NTM: variants seen among roughly 807,000 people sequenced by gnomAD.
NTM encodes the protein IgLON family member 2.
In NTM, 13 loss-of-function variants were observed where a neutral mutation model predicts 42.1. The observed-to-expected ratio is 0.31, with a 90% CI of 0.20 to 0.49. The LOEUF (loss-of-function observed/expected upper bound fraction) is 0.49. Among genes scored for constraint, NTM ranks in the 20% least tolerant of loss-of-function variants. The probability of loss-of-function intolerance (pLI) is 0.99; values close to 1 mark genes in which losing one functional copy is unlikely to be tolerated. For missense variants in NTM, 373 were observed against 452.8 expected (o/e 0.82, Z 1.60); for synonymous variants, 187 against 179.2 (o/e 1.04, Z -0.35).
At chr11:131,476,011 GGAAGGAAGGAAGGAGT>G (rs1476627645) in intron 1 of NTM, among the ~76,000 whole-genome samples, 1 of 152,042 alleles carries the variant, frequency 6.6e-6, no homozygotes, top group Non-Finnish European at 1.5e-5. Context: ...AAATATTTGT[GGAAGGAAGGAAGGAGT>G]GAAGGAAGGA....
chr11:132,217,427 T>TTC (rs1337630118), intron 4 of NTM, among the ~76,000 whole-genome samples: 2 of 149,418 alleles, frequency 1.3e-5, no homozygotes, highest in African/African-American at 4.9e-5. Flanking sequence ...GTGTGTGTGT[T>TTC]TCTCAGGTTC....
intron 2 of NTM, among the ~76,000 whole-genome samples, chr11:132,118,851 A>T (rs1001483084): frequency 6.6e-6 from 1 of 152,106 alleles, no homozygotes; most frequent in African/African-American, 2.4e-5. Context: ...CTGTTCTTAA[A>T]TTGGATTCCC....
intron 1 of NTM, among the ~76,000 whole-genome samples, chr11:131,699,596 A>G (rs2075846023): frequency 6.6e-6 from 1 of 152,164 alleles, no homozygotes; most frequent in African/African-American, 2.4e-5. Flanking sequence ...GTAACTTATA[A>G]AGGAAAGAGG....
chr11:131,825,467 T>G (rs1241864562), intron 1 of NTM, among the ~76,000 whole-genome samples: 1 of 152,154 alleles, frequency 6.6e-6, no homozygotes, highest in Non-Finnish European at 1.5e-5. Context: ...TGTCTTTGGC[T>G]TCTTCGAGGA....
At chr11:131,529,693 A>T (rs1039202743) in intron 1 of NTM, among the ~76,000 whole-genome samples, 5 of 152,172 alleles carry the variant, frequency 3.3e-5, no homozygotes, top group Non-Finnish European at 2.9e-5. Context: ...CTAGGAAGTG[A>T]TTAAGAGAAA....
At chr11:131,958,277 T>C (rs1035825457) in intron 2 of NTM, among the ~76,000 whole-genome samples, 2 of 152,058 alleles carry the variant, frequency 1.3e-5, no homozygotes, top group Non-Finnish European at 2.9e-5. Context: ...AGGGGAGTGA[T>C]GGGGCAGGGG....
intron 2 of NTM, among the ~76,000 whole-genome samples, chr11:131,941,803 G>A (rs1299892663): frequency 6.6e-6 from 1 of 152,124 alleles, no homozygotes; most frequent in East Asian, 1.9e-4. Flanking sequence ...TAATGGGCTT[G>A]GCTCTCAACC....
chr11:131,955,216 A>G (rs1307648391), intron 2 of NTM, among the ~76,000 whole-genome samples: 4 of 152,144 alleles, frequency 2.6e-5, no homozygotes, highest in African/African-American at 4.8e-5. Flanking sequence ...CCCCTCACCA[A>G]TGCTACCTAT....
chr11:131,793,756 G>A (rs1388590077), intron 1 of NTM, among the ~76,000 whole-genome samples: 2 of 152,126 alleles, frequency 1.3e-5, no homozygotes, highest in Non-Finnish European at 2.9e-5. Flanking sequence ...AGAGGTCCTG[G>A]CAGAAGTTTC....
intron 1 of NTM, among the ~76,000 whole-genome samples, chr11:131,466,623 G>A (rs1951925798): frequency 6.6e-6 from 1 of 152,126 alleles, no homozygotes; most frequent in African/African-American, 2.4e-5. Flanking sequence ...TGCCGCACAA[G>A]TTATATGTAT....
intron 3 of NTM, among the ~76,000 whole-genome samples, chr11:132,164,030 A>G (rs560776691): frequency 1.3e-4 from 20 of 152,346 alleles, no homozygotes; most frequent in Non-Finnish European, 2.1e-4. Context: ...GGTTAAGCAC[A>G]GTAGCAAGGA....
At chr11:131,379,877 C>G (rs1255901330) in intron 1 of NTM, among the ~76,000 whole-genome samples, 4 of 152,152 alleles carry the variant, frequency 2.6e-5, no homozygotes, top group African/African-American at 9.7e-5. Context: ...CTGCATCCTT[C>G]TTCCAGTCTT....
intron 1 of NTM, among the ~76,000 whole-genome samples, chr11:131,728,022 A>C (rs545648205): frequency 3.3e-5 from 5 of 152,328 alleles, no homozygotes; most frequent in Admixed American, 2.0e-4. Context: ...TAATGATAGC[A>C]GCAAACACTT....
At chr11:131,403,802 T>C (rs1945503721) in intron 1 of NTM, among the ~76,000 whole-genome samples, 1 of 152,204 alleles carries the variant, frequency 6.6e-6, no homozygotes, top group Non-Finnish European at 1.5e-5. Context: ...ATCTTCCAGA[T>C]ACCAAATCTC....
intron 1 of NTM, among the ~76,000 whole-genome samples, chr11:131,652,693 T>C (rs556587747): frequency 1.3e-5 from 2 of 152,310 alleles, no homozygotes; most frequent in African/African-American, 4.8e-5. Flanking sequence ...TGGTCCAGCA[T>C]GCCCTCCCCT....
intron 1 of NTM, among the ~76,000 whole-genome samples, chr11:131,761,063 G>A (rs1435406235): frequency 2.0e-5 from 3 of 152,170 alleles, no homozygotes; most frequent in Admixed American, 6.5e-5. Context: ...TTTCTCATGT[G>A]GGGTGGGCAG....
chr11:131,711,295 A>G (rs1359275117), intron 1 of NTM, among the ~76,000 whole-genome samples: 1 of 152,172 alleles, frequency 6.6e-6, no homozygotes, highest in Non-Finnish European at 1.5e-5. Context: ...AAAAAAACAA[A>G]CAACCCCATC....
chr11:131,782,290 G>A (rs2088293597), intron 1 of NTM, among the ~76,000 whole-genome samples: 1 of 149,940 alleles, frequency 6.7e-6, no homozygotes, highest in Non-Finnish European at 1.5e-5. Context: ...CAAATTAGAT[G>A]TAATGAAAAA....
intron 2 of NTM, among the ~76,000 whole-genome samples, chr11:131,953,916 C>T (rs1335212621): frequency 1.3e-5 from 2 of 152,210 alleles, no homozygotes; most frequent in Non-Finnish European, 2.9e-5. Flanking sequence ...AACCAAGCCA[C>T]TCCGTGGAGA....
Sources: gnomAD v4.1 joint callset for allele counts (sites outside exome capture counted in the v4.1 genomes callset) on GRCh38, gnomAD v4.1.1 for gene constraint, MANE v1.5 for transcripts, NCBI Gene and HGNC (gene_info 2026-07-23, HGNC 2026-07-21) for gene names.